Variants in LRP2 observed in about 807,000 individuals in gnomAD.
LRP2 encodes low-density lipoprotein receptor-related protein 2.
Under a neutral mutation model 531.0 loss-of-function variants are expected in LRP2, and 172 were observed. The ratio of observed to expected loss-of-function variants is 0.32; its 90% confidence interval spans 0.29 to 0.37. The LOEUF is 0.37. Among genes scored for constraint, LRP2 ranks in the 10% least tolerant of loss-of-function variants. LRP2 has a pLI of 1.00. For synonymous variants in LRP2, 1,992 were observed against 2,027.6 expected (o/e 0.98, Z 0.47); for missense variants, 5,167 against 5,868.3 (o/e 0.88, Z 3.90).
rs528767921 is a variant in LRP2 at position 169,254,643 on chromosome 2, T to TAAAA, written c.2770+1459_2770+1462dup. On this transcript the variant is annotated intron_variant, in intron 19 of 78. Transcript: ENST00000649046. Reference sequence around the variant, plus strand: ...ATGTACCCTAAAACTTAGAGTATAATAAAAAAAAAAAAAAACAGCAATGTT... The same window carrying TAAAA: ...ATGTACCCTAAAACTTAGAGTATAATAAAAAAAAAAAAAAAAAAACAGCAATGTT... Among the ~76,000 whole-genome samples the TAAAA allele has an allele frequency of 3.1e-4, 23 of 73,264 alleles. 5 individuals carry two copies. Among genetic ancestry groups the TAAAA allele is most frequent in the South Asian group, 8.5e-4 (1 of 1,174 alleles). The allele number at this position is 73,264 out of a possible 152,430, so 48.1% of individuals were successfully genotyped here. A position where few individuals can be genotyped will look rare whatever the true frequency, so the allele number is the denominator to read the frequency against.
intron 64 of LRP2, 132 bp downstream of exon 64, chr2:169,157,239 C>T (rs1038706548): frequency 5.1e-6 from 5 of 981,068 alleles, no homozygotes; most frequent in Admixed American, 2.4e-5. Context: ...AGTTTAATGA[C>T]CTAGAACCAT....
At chr2:169,288,880 C>G in intron 9 of LRP2, 146 bp downstream of exon 9, 1 of 1,266,252 alleles carries the variant, frequency 7.9e-7, no homozygotes, top group Non-Finnish European at 1.1e-6. Flanking sequence ...CCCTATTTGC[C>G]AGGTTTTCTG....
intron 3 of LRP2, among the ~76,000 whole-genome samples, chr2:169,309,750 A>G (rs1334696825): frequency 6.6e-6 from 1 of 152,066 alleles, no homozygotes; most frequent in Non-Finnish European, 1.5e-5. Flanking sequence ...GTTTTTTCCA[A>G]TTCTGTGAAG....
intron 16 of LRP2, among the ~76,000 whole-genome samples, chr2:169,264,105 G>A (rs577506391): frequency 1.3e-4 from 20 of 152,202 alleles, no homozygotes; most frequent in Non-Finnish European, 1.9e-4. Context: ...GTGGGGTGGC[G>A]CGGGAGGAGG....
chr2:169,231,321 AAAAG>A (rs1447497079), intron 31 of LRP2, among the ~76,000 whole-genome samples: 3 of 151,000 alleles, frequency 2.0e-5, no homozygotes, highest in African/African-American at 7.4e-5. Flanking sequence ...AAAGAAAGAA[AAAAG>A]AAAAAAAAAA....
At chr2:169,178,455 G>A (rs183636288) in intron 52 of LRP2, among the ~76,000 whole-genome samples, 1 of 152,212 alleles carries the variant, frequency 6.6e-6, no homozygotes, top group African/African-American at 2.4e-5. Context: ...TATTATACTG[G>A]AATTCTACCT....
At chr2:169,307,489 G>C (rs1382551391) in intron 3 of LRP2, 92 bp from the exon 4 acceptor site, 3 of 805,346 alleles carry the variant, frequency 3.7e-6, no homozygotes, top group African/African-American at 1.7e-5. Context: ...AAAGCATAAA[G>C]TTCATAGGGA....
At chr2:169,179,084 A>G (rs1276033367) in intron 52 of LRP2, among the ~76,000 whole-genome samples, 2 of 151,844 alleles carry the variant, frequency 1.3e-5, no homozygotes, top group Admixed American at 1.3e-4. Flanking sequence ...ATGTTGGCTC[A>G]CTGCAACCTC....
chr2:169,236,444 T>C (rs906004445), intron 28 of LRP2, among the ~76,000 whole-genome samples: 2 of 152,238 alleles, frequency 1.3e-5, no homozygotes, highest in African/African-American at 4.8e-5. Flanking sequence ...GGAAATCAAT[T>C]TATTCTTCAT....
At chr2:169,351,566 G>C (rs1321946012) in intron 1 of LRP2, among the ~76,000 whole-genome samples, 1 of 152,164 alleles carries the variant, frequency 6.6e-6, no homozygotes, top group African/African-American at 2.4e-5. Flanking sequence ...GAAGTTTATG[G>C]AATTCTCTTC....
rs559007900 is a variant in LRP2, at chr2:169,150,056, G to A, written c.12590+842C>T. Among the ~76,000 whole-genome samples the A allele has an allele frequency of 5.3e-5, 8 of 152,216 alleles. No individual in the cohort carries two copies. In the South Asian group the frequency reaches 1.7e-3, roughly 32 times the overall value. On this transcript the variant is annotated intron_variant, in intron 68 of 78. Transcript: ENST00000649046. Reference sequence around the variant, plus strand: ...ATAAGCAGCAATGACTAATGCTGAGGACAAGTCCTCACTACAGGTTAATCT... The same window carrying A: ...ATAAGCAGCAATGACTAATGCTGAGAACAAGTCCTCACTACAGGTTAATCT...
chr2:169,142,825 CT>C (rs1685772439), intron 70 of LRP2, 32 bp from the exon 71 acceptor site: 3 of 1,612,722 alleles, frequency 1.9e-6, no homozygotes, highest in Non-Finnish European at 2.5e-6. Flanking sequence ...CAGTTAGGTC[CT>C]GACAGAATGA....
At chr2:169,348,441 C>A (rs2544391) in intron 1 of LRP2, among the ~76,000 whole-genome samples, 1 of 152,174 alleles carries the variant, frequency 6.6e-6, no homozygotes, top group African/African-American at 2.4e-5. Context: ...AATGTCCTGA[C>A]TTGACATGTG....
chr2:169,340,636 A>G (rs756579896), intron 1 of LRP2, among the ~76,000 whole-genome samples: 33 of 152,196 alleles, frequency 2.2e-4, no homozygotes, highest in Admixed American at 5.9e-4. Context: ...ATTTTGGACA[A>G]TGAGGTGACT....
rs1690019983 is a variant in LRP2, at chr2:169,246,735, T to G, written c.3160A>C (p.Asn1054His). 6.2e-7 allele frequency: 1 copy of G among 1,614,240 alleles called. No individual in the cohort carries two copies. Among genetic ancestry groups the G allele is most frequent in the Non-Finnish European group, 8.5e-7 (1 of 1,180,042 alleles). Residue 1054 changes from asparagine to histidine, a missense_variant, in exon 21 of 79, where the codon AAC becomes CAC. Physicochemically the swap from Asn to His is moderately conservative, Grantham distance 68. Around this residue, in one of 6 missense-constraint regions of LRP2, gnomAD observed 2,811 missense variants for 3,058.0 expected, o/e 0.92. Transcript: ENST00000649046. ...LCDGVDDCHDNSDEQLCGTLN... is the reference protein window; with the variant it reads ...LCDGVDDCHDHSDEQLCGTLN... ...GTGCCACATAGTTGCTCATCACTGT[T>G]ATCATGACAATCATCGACTCCATCA...
chr2:169,299,078 AGAAAGAAG>A (rs1684205452), intron 4 of LRP2, among the ~76,000 whole-genome samples: 1 of 73,290 alleles, frequency 1.4e-5, no homozygotes, highest in African/African-American at 3.8e-5. Context: ...AAGGAAAGAA[AGAAAGAAG>A]GAAAGAAAGA....
intron 2 of LRP2, among the ~76,000 whole-genome samples, chr2:169,319,681 T>C (rs1196266960): frequency 1.3e-5 from 2 of 152,198 alleles, no homozygotes; most frequent in African/African-American, 4.8e-5. Context: ...TCTCTACAAA[T>C]ATAGTTTAGT....
intron 1 of LRP2, among the ~76,000 whole-genome samples, chr2:169,328,215 G>T (rs1257020611): frequency 8.2e-6 from 1 of 122,536 alleles, no homozygotes; most frequent in African/African-American, 3.0e-5. Context: ...CGCCCGGCCA[G>T]CCGCCCCGTC....
At chr2:169,259,336 G>A (rs1574189427) in intron 16 of LRP2, 119 bp from the exon 17 acceptor site, 6 of 500,008 alleles carry the variant, frequency 1.2e-5, no homozygotes, top group South Asian at 2.1e-5. Context: ...GAACACATGT[G>A]GAATTCTTTA....
Sources: gnomAD v4.1 joint callset for allele counts (sites outside exome capture counted in the v4.1 genomes callset) on GRCh38, gnomAD v4.1.1 for gene constraint, gnomAD v4.1.1 regional missense constraint, MANE v1.5 for transcripts, NCBI Gene and HGNC (gene_info 2026-07-23, HGNC 2026-07-21) for gene names.